The following FAM180A variants were observed in gnomAD, a reference collection of about 807,000 sequenced individuals.
The protein encoded by FAM180A is protein FAM180A.
FAM180A carries 14 observed loss-of-function variants against 15.3 expected under a neutral mutation model. The observed-to-expected ratio is 0.92, with a 90% CI of 0.61 to 1.43. The LOEUF is 1.43. Among genes scored for constraint, FAM180A ranks in the 40% most tolerant of loss-of-function variants. The pLI is 0.00. For synonymous variants in FAM180A, 90 were observed against 96.8 expected, an observed-to-expected ratio of 0.93 and a Z score of 0.41; for missense variants, 200 against 220.8, an observed-to-expected ratio of 0.91 and a Z score of 0.60.
chr7:135,737,631 C>A (rs1483547623), intron 1 of FAM180A, among the ~76,000 whole-genome samples: 1 of 142,858 alleles, frequency 7.0e-6, no homozygotes, highest in Non-Finnish European at 1.5e-5. Flanking sequence ...AAAGGACTGA[C>A]TGGAAAGTGG....
chr7:135,739,945 A>G (rs570122683), intron 1 of FAM180A, among the ~76,000 whole-genome samples: 52 of 152,320 alleles, frequency 3.4e-4, no homozygotes, highest in African/African-American at 1.2e-3. Context: ...AAATCCCTGC[A>G]CTAATGGTCG....
Position 135,748,540 on chromosome 7 carries a change from T to C in FAM180A, c.41A>G (p.Asn14Ser). 6.2e-7 allele frequency: 1 copy of C among 1,614,204 alleles called. No individual in the cohort carries two copies. The highest frequency in any genetic ancestry group is 8.5e-7 in the Non-Finnish European group (1 of 1,180,016). ...KMLLLLLLYY[N>S]AEASMCHRWS... ...CCTGTGGCACATAGAAGCCTCAGCA[T>C]TGTAATACAACAGCAGAAGCAGCAA... The change falls in exon 1 of 4, where the codon AAT becomes AGT. Residue 14 changes from asparagine to serine, a missense_variant. By Grantham distance (46) the Asn-to-Ser change is conservative (BLOSUM62 1). Coordinates refer to ENST00000338588, the MANE Select transcript of FAM180A (RefSeq NM_205855.4).
chr7:135,733,056 C>T (rs1165146058), intron 3 of FAM180A, among the ~76,000 whole-genome samples: 1 of 152,164 alleles, frequency 6.6e-6, no homozygotes, highest in African/African-American at 2.4e-5. Flanking sequence ...TCCTGTTTCT[C>T]TTCTGTGTTA....
chr7:135,733,739 T>C lies in FAM180A; in HGVS notation c.*236A>G. Reference sequence around the variant, plus strand: ...GCAAACCATTCTGCCCATGGAGGCGTCTTGAATGACCATTCCAGCCCTTTC... The same window carrying C: ...GCAAACCATTCTGCCCATGGAGGCGCCTTGAATGACCATTCCAGCCCTTTC... On this transcript the variant is annotated 3_prime_UTR_variant, in exon 3 of 4. Coordinates refer to ENST00000338588, the MANE Select transcript of FAM180A (RefSeq NM_205855.4). The C allele has an allele frequency of 7.5e-7, 1 of 1,337,374 alleles. No homozygotes were observed. Among genetic ancestry groups the C allele is most frequent in the Non-Finnish European group, 9.5e-7 (1 of 1,049,188 alleles). 82.8% of individuals were successfully genotyped at this position (1,337,374 alleles called of 1,614,324 possible).
At position 135,733,774 on chromosome 7, in the gene FAM180A, A is replaced by T. The variant is rs1048274564; in HGVS notation, c.*201T>A. The T allele has an allele frequency of 1.1e-5, 15 of 1,379,622 alleles. No individual in the cohort carries two copies. Among genetic ancestry groups the T allele is most frequent in the East Asian group, 1.1e-4 (4 of 37,522 alleles). The allele number at this position is 1,379,622 out of a possible 1,614,324, so 85.5% of individuals were successfully genotyped here. Reference sequence around the variant, plus strand: ...CCATTCCAGCCCTTTCTTCCAGCCCAGGTCACATGATGGCATGAATCAGAT... The same window carrying T: ...CCATTCCAGCCCTTTCTTCCAGCCCTGGTCACATGATGGCATGAATCAGAT... On this transcript the variant is annotated 3_prime_UTR_variant, in exon 3 of 4. Transcript: ENST00000338588.
chr7:135,742,194 A>T (rs1318583652), intron 1 of FAM180A, among the ~76,000 whole-genome samples: 1 of 152,184 alleles, frequency 6.6e-6, no homozygotes, highest in Non-Finnish European at 1.5e-5. Context: ...ATCTAGAGAG[A>T]ATAAACTTAT....
chr7:135,734,465 G>C, intron 2 of FAM180A, 146 bp from the exon 3 acceptor site: 1 of 735,332 alleles, frequency 1.4e-6, no homozygotes, highest in South Asian at 2.1e-5. Flanking sequence ...TTTCTCACTT[G>C]CTGTGTGAAC....
intron 1 of FAM180A, among the ~76,000 whole-genome samples, chr7:135,738,036 G>A (rs1043208687): frequency 6.6e-6 from 1 of 152,214 alleles, no homozygotes; most frequent in Non-Finnish European, 1.5e-5. Flanking sequence ...CAGAAGATCA[G>A]GATTCTGGCT....
chr7:135,747,282 G>T (rs1797044166), intron 1 of FAM180A, among the ~76,000 whole-genome samples: 1 of 151,828 alleles, frequency 6.6e-6, no homozygotes, highest in Non-Finnish European at 1.5e-5. Flanking sequence ...TGTGCCCACA[G>T]AAATTAAAAA....
At chr7:135,733,151 A>G (rs1050235804) in intron 3 of FAM180A, among the ~76,000 whole-genome samples, 34 of 152,222 alleles carry the variant, frequency 2.2e-4, no homozygotes, top group African/African-American at 7.2e-4. Context: ...CAACTTTTGG[A>G]AAAGTCAAGA....
intron 2 of FAM180A, among the ~76,000 whole-genome samples, chr7:135,736,314 C>G (rs1796872311): frequency 6.6e-6 from 1 of 152,270 alleles, no homozygotes; most frequent in African/African-American, 2.4e-5. Flanking sequence ...AGCCACCGCG[C>G]CCAGCCCCCA....
In FAM180A at chr7:135,730,287, A is replaced by T; in HGVS notation, c.*330-6T>A. ...CCAGGCACGGTGGCTCACGCCTGTA[A>T]TCCTAGCATTTTGGGAGGCTGAGGC... On this transcript the variant is annotated splice_region_variant and splice_polypyrimidine_tract_variant and intron_variant, in intron 3 of 3. Coordinates refer to ENST00000338588, the MANE Select transcript of FAM180A (RefSeq NM_205855.4). 1 of 983,780 alleles carries T rather than the reference A, an allele frequency of 1.0e-6. No individual in the cohort carries two copies. Among genetic ancestry groups the T allele is most frequent in the Non-Finnish European group, 1.2e-6 (1 of 828,402 alleles). The allele number at this position is 983,780 out of a possible 1,614,324, so 60.9% of individuals were successfully genotyped here.
chr7:135,737,586 C>CAAAAAAAAAAAAAA (rs35378393), intron 1 of FAM180A, among the ~76,000 whole-genome samples: 6 of 82,332 alleles, frequency 7.3e-5, no homozygotes, highest in East Asian at 3.9e-4. Flanking sequence ...GACTCCATGT[C>CAAAAAAAAAAAAAA]AAAAAAAAAA....
chr7:135,732,683 A>T (rs1796801109), intron 3 of FAM180A, among the ~76,000 whole-genome samples: 1 of 142,614 alleles, frequency 7.0e-6, no homozygotes, highest in African/African-American at 2.6e-5. Context: ...GCAGAGCGAG[A>T]CTCCATCACA....
chr7:135,735,990 G>A (rs1039608262), intron 2 of FAM180A, among the ~76,000 whole-genome samples: 3 of 148,504 alleles, frequency 2.0e-5, no homozygotes, highest in Admixed American at 1.3e-4. Context: ...AGCATGAGCC[G>A]CCGCACCTGG....
At chr7:135,739,853 A>G (rs1337058918) in intron 1 of FAM180A, among the ~76,000 whole-genome samples, 1 of 152,182 alleles carries the variant, frequency 6.6e-6, no homozygotes, top group African/African-American at 2.4e-5. Context: ...AAGGGCTTTG[A>G]TACATACAGT....
chr7:135,747,377 C>G (rs958221518), intron 1 of FAM180A, among the ~76,000 whole-genome samples: 4 of 152,236 alleles, frequency 2.6e-5, no homozygotes, highest in African/African-American at 9.6e-5. Flanking sequence ...ATGAAGAATG[C>G]TGTATTATTT....
chr7:135,746,115 C>G (rs776078667), intron 1 of FAM180A, among the ~76,000 whole-genome samples: 3 of 152,060 alleles, frequency 2.0e-5, no homozygotes, highest in Admixed American at 2.0e-4. Flanking sequence ...TAATCTAGCA[C>G]GTCACATCCG....
In FAM180A at chr7:135,734,204, G is replaced by A; in HGVS notation, c.293C>T (p.Pro98Leu). 1 of 1,614,216 alleles carries A rather than the reference G, an allele frequency of 6.2e-7. No homozygotes were observed. The highest frequency in any genetic ancestry group is 8.5e-7 in the Non-Finnish European group (1 of 1,180,046). Residue 98 changes from proline to leucine, a missense_variant, in exon 3 of 4, where the codon CCC becomes CTC. Pro to Leu is a moderately conservative substitution (Grantham distance 98, BLOSUM62 -3). Coordinates refer to ENST00000338588, the MANE Select transcript of FAM180A (RefSeq NM_205855.4). ...DFRTVCNNVI[P>L]KSIPDIRRLS... is the part of the protein sequence containing the mutation. ...CCGGCGGATGTCTGGGATGCTCTTG[G>A]GGATGACGTTGTTGCAGACGGTGCG...
Sources: allele counts gnomAD v4.1 joint callset (sites outside exome capture counted in the v4.1 genomes callset), GRCh38; gene constraint gnomAD v4.1.1; transcripts MANE v1.5; gene names NCBI Gene and HGNC (gene_info 2026-07-23, HGNC 2026-07-21).